Variants in RBFOX1 observed in about 807,000 individuals in gnomAD.
The protein encoded by RBFOX1 is RNA binding fox-1 homolog 1, also known as RNA binding protein fox-1 homolog 1.
RBFOX1 carries 8 observed loss-of-function variants against 57.7 expected under a neutral mutation model. The ratio of observed to expected loss-of-function variants is 0.14; its 90% CI spans 0.08 to 0.25. The LOEUF (loss-of-function observed/expected upper bound fraction) is 0.25, where lower values mean the gene tolerates loss of function less well. Ranked by LOEUF, RBFOX1 falls within the 10% of genes least tolerant of loss-of-function variation. The pLI is 1.00. For missense variants in RBFOX1, 611 were observed against 548.5 expected (o/e 1.11, Z -1.14); for synonymous variants, 326 against 222.4 (o/e 1.47, Z -4.15).
intron 3 of RBFOX1, among the ~76,000 whole-genome samples, chr16:5,827,282 C>T (rs1482676469): frequency 2.0e-5 from 3 of 151,720 alleles, no homozygotes; most frequent in Non-Finnish European, 4.4e-5. Context: ...TGCCAGTAAT[C>T]CCAGCTACTA....
intron 3 of RBFOX1, among the ~76,000 whole-genome samples, chr16:7,035,321 C>A (rs993696002): frequency 6.6e-6 from 1 of 152,068 alleles, no homozygotes; most frequent in African/African-American, 2.4e-5. Flanking sequence ...TGGTGCTGGC[C>A]CATTTATCCT....
chr16:6,011,039 C>T (rs950343458), intron 4 of RBFOX1, among the ~76,000 whole-genome samples: 2 of 152,216 alleles, frequency 1.3e-5, no homozygotes, highest in African/African-American at 4.8e-5. Context: ...TTGCATATTT[C>T]ATCCTAAATG....
intron 10 of RBFOX1, among the ~76,000 whole-genome samples, chr16:7,613,710 C>G (rs551298039): frequency 6.9e-4 from 105 of 152,172 alleles, no homozygotes; most frequent in Non-Finnish European, 1.2e-3. Context: ...TGAAGGCTCC[C>G]TCACATTTTT....
intron 1 of RBFOX1, among the ~76,000 whole-genome samples, chr16:5,322,777 G>A (rs1041286734): frequency 2.0e-5 from 3 of 152,114 alleles, no homozygotes; most frequent in Admixed American, 2.0e-4. Context: ...AAAATAGAAG[G>A]TTTCAGTGTA....
chr16:6,043,688 G>A lies in RBFOX1; in HGVS notation c.-127+23696G>A, dbSNP rs530697922. On this transcript the variant is annotated intron_variant, in intron 1 of 15. Coordinates refer to ENST00000550418, the MANE Select transcript of RBFOX1 (RefSeq NM_018723.4). ...TGAAGAGACATAGGATTTTATTTTA[G>A]GTCTCCTGCCTTTCCTGCTCTTTTC... Among the ~76,000 whole-genome samples, 4 of 152,254 alleles carry A rather than the reference G, an allele frequency of 2.6e-5. No homozygotes were observed. The South Asian group carries it at 8.3e-4, about 32-fold the overall frequency.
chr16:5,995,112 C>T lies in RBFOX1; in HGVS notation c.351+127777C>T, dbSNP rs867591457. 3.3e-5 allele frequency among the ~76,000 whole-genome samples: 5 copies of T among 152,224 alleles called. No homozygotes were observed. The South Asian group carries it at 8.3e-4, about 25-fold the overall frequency. ...GTCTTCTTGAAGTACATTTCTGTAC[C>T]TTACACTATAACCTGCTTCGAAATG... On this transcript the variant is annotated intron_variant, in intron 4 of 19. Coordinates refer to the RBFOX1 transcript ENST00000641259.
At chr16:5,265,637 G>T (rs1037536957) in intron 1 of RBFOX1, among the ~76,000 whole-genome samples, 1 of 151,966 alleles carries the variant, frequency 6.6e-6, no homozygotes, top group Admixed American at 6.6e-5. Context: ...AGAAGTGTTT[G>T]TTTTTTTTAG....
chr16:6,908,146 C>T (rs1183701516), intron 3 of RBFOX1, among the ~76,000 whole-genome samples: 2 of 151,744 alleles, frequency 1.3e-5, no homozygotes. Flanking sequence ...AACAATTCAG[C>T]TCCTAACAAT....
intron 1 of RBFOX1, among the ~76,000 whole-genome samples, chr16:6,293,088 T>G (rs2077643656): frequency 6.6e-6 from 1 of 152,120 alleles, no homozygotes; most frequent in African/African-American, 2.4e-5. Context: ...CACACTCAGA[T>G]AGTAGTGATT....
chr16:6,721,138 C>G (rs527818081), intron 3 of RBFOX1, among the ~76,000 whole-genome samples: 1 of 152,214 alleles, frequency 6.6e-6, no homozygotes, highest in East Asian at 1.9e-4. Flanking sequence ...GTAAAGTACA[C>G]GTAACATAAA....
chr16:5,680,967 C>T (rs1273177564), intron 3 of RBFOX1, among the ~76,000 whole-genome samples: 2 of 151,740 alleles, frequency 1.3e-5, no homozygotes, highest in African/African-American at 4.8e-5. Flanking sequence ...TATAAAAAGA[C>T]CAACTTGAGA....
chr16:6,264,628 C>T (rs937543871), intron 1 of RBFOX1, among the ~76,000 whole-genome samples: 1 of 152,100 alleles, frequency 6.6e-6, no homozygotes. Context: ...CTCATACTCT[C>T]CCCACCGCTA....
chr16:5,852,057 A>C (rs59248470), intron 3 of RBFOX1, among the ~76,000 whole-genome samples: 1 of 152,338 alleles, frequency 6.6e-6, no homozygotes, highest in African/African-American at 2.4e-5. Context: ...GATAAGGATC[A>C]ATTGGCATTA....
intron 5 of RBFOX1, among the ~76,000 whole-genome samples, chr16:7,548,024 G>C (rs1204391192): frequency 6.6e-6 from 1 of 152,202 alleles, no homozygotes; most frequent in Non-Finnish European, 1.5e-5. Context: ...TTGCTGTAAA[G>C]AGGACACTCT....
chr16:6,631,066 G>C (rs1339342842), intron 2 of RBFOX1, among the ~76,000 whole-genome samples: 1 of 152,062 alleles, frequency 6.6e-6, no homozygotes, highest in Non-Finnish European at 1.5e-5. Context: ...AATGAAAGTA[G>C]AGAGAGAGGG....
At chr16:6,026,862 C>T (rs2095206243) in intron 1 of RBFOX1, among the ~76,000 whole-genome samples, 1 of 152,194 alleles carries the variant, frequency 6.6e-6, no homozygotes. Flanking sequence ...TACAGGCAGT[C>T]CTTGGGCATC....
intron 3 of RBFOX1, among the ~76,000 whole-genome samples, chr16:6,758,501 A>C (rs1049339485): frequency 9.2e-5 from 14 of 152,116 alleles, no homozygotes; most frequent in Admixed American, 8.5e-4. Flanking sequence ...TTGACGTGAG[A>C]GTCCAGCCTA....
Position 7,697,550 on chromosome 16 carries a change from GAT to G in RBFOX1, c.996-11504_996-11503del. Among the ~76,000 whole-genome samples the G allele has an allele frequency of 1.3e-5, 2 of 152,180 alleles. 1 individual carries two copies. The highest frequency in any genetic ancestry group is 4.2e-4 in the South Asian group (2 of 4,816). On this transcript the variant is annotated intron_variant, in intron 14 of 15. Transcript: ENST00000550418. Reference sequence around the variant, plus strand: ...ATATGTATAATGCATGCATATGTATGATAAACTATATATGCATGTATATATGT... The same window carrying G: ...ATATGTATAATGCATGCATATGTATGAAACTATATATGCATGTATATATGT...
At chr16:6,493,405 G>C (rs188270506) in intron 2 of RBFOX1, among the ~76,000 whole-genome samples, 2 of 152,056 alleles carry the variant, frequency 1.3e-5, no homozygotes, top group African/African-American at 4.8e-5. Context: ...ATTCATCGCC[G>C]GTACTGCAAA....
Sources: gnomAD v4.1 joint callset for allele counts (sites outside exome capture counted in the v4.1 genomes callset) on GRCh38, gnomAD v4.1.1 for gene constraint, MANE v1.5 for transcripts, NCBI Gene and HGNC (gene_info 2026-07-23, HGNC 2026-07-21) for gene names.